Variants in CPA6 observed in about 807,000 individuals in gnomAD.
The protein encoded by CPA6 is carboxypeptidase A6.
CPA6 carries 58 observed loss-of-function variants against 63.3 expected under a neutral mutation model. That is an observed-to-expected ratio of 0.92 (90% CI 0.74 to 1.14). The LOEUF (loss-of-function observed/expected upper bound fraction) is 1.14, where lower values mean the gene tolerates loss of function less well. Ranked by LOEUF, CPA6 falls within the 50% of genes most tolerant of loss-of-function variation. CPA6 has a pLI of 0.00. For missense variants in CPA6, 565 were observed against 526.6 expected, an observed-to-expected ratio of 1.07 and a Z score of -0.71; for synonymous variants, 185 against 179.0, an observed-to-expected ratio of 1.03 and a Z score of -0.27.
chr8:67,648,156 A>G (rs1815753886), intron 1 of CPA6, among the ~76,000 whole-genome samples: 2 of 152,192 alleles, frequency 1.3e-5, no homozygotes, highest in South Asian at 4.1e-4. Context: ...AGTCATCAAC[A>G]TATAATTCAT....
At chr8:67,493,158 G>A (rs185284004) in intron 6 of CPA6, among the ~76,000 whole-genome samples, 61 of 152,232 alleles carry the variant, frequency 4.0e-4, no homozygotes, top group African/African-American at 1.3e-3. Flanking sequence ...CTTAGTAGCT[G>A]TCTCAATTAT....
intron 8 of CPA6, among the ~76,000 whole-genome samples, chr8:67,468,791 G>A (rs888982569): frequency 3.3e-5 from 5 of 152,048 alleles, no homozygotes; most frequent in Non-Finnish European, 5.9e-5. Flanking sequence ...AGCATGTACT[G>A]TATCTCTGGG....
intron 1 of CPA6, among the ~76,000 whole-genome samples, chr8:67,660,890 C>T (rs1816093644): frequency 6.6e-6 from 1 of 152,082 alleles, no homozygotes; most frequent in Non-Finnish European, 1.5e-5. Flanking sequence ...GATTAACATC[C>T]CTTGGTTGTC....
intron 8 of CPA6, among the ~76,000 whole-genome samples, chr8:67,466,835 T>C (rs944536139): frequency 1.4e-4 from 22 of 152,208 alleles, no homozygotes; most frequent in African/African-American, 5.3e-4. Context: ...ATATGTTTCC[T>C]CAGTCTTTTC....
At position 67,618,933 on chromosome 8, in the gene CPA6, T is replaced by C. The variant is rs75405208; in HGVS notation, c.192+5243A>G. Among the ~76,000 whole-genome samples the C allele has an allele frequency of 8.5e-3, 1,295 of 152,326 alleles. 26 individuals are homozygous for C. Among genetic ancestry groups the C allele is most frequent in the African/African-American group, 0.028 (1,145 of 41,574 alleles). ...AATTAACAATTTAATTGGTTGGTGCTTTCTCAATCCAGTTCTCTAGGGGCA... is the reference window on the plus strand; with the variant it reads ...AATTAACAATTTAATTGGTTGGTGCCTTCTCAATCCAGTTCTCTAGGGGCA... On this transcript the variant is annotated intron_variant, in intron 2 of 10. Coordinates refer to ENST00000297770, the MANE Select transcript of CPA6 (RefSeq NM_020361.5).
intron 1 of CPA6, among the ~76,000 whole-genome samples, chr8:67,652,481 C>G (rs1300210878): frequency 6.6e-6 from 1 of 151,918 alleles, no homozygotes; most frequent in East Asian, 1.9e-4. Context: ...ATTTGCATTT[C>G]TCTGATGGCC....
chr8:67,594,118 G>T (rs1279515668), intron 2 of CPA6, among the ~76,000 whole-genome samples: 4 of 152,114 alleles, frequency 2.6e-5, no homozygotes, highest in Admixed American at 6.6e-5. Context: ...GTCTGTAAAG[G>T]ATTTCATTTC....
intron 2 of CPA6, among the ~76,000 whole-genome samples, chr8:67,616,850 C>T (rs1430232482): frequency 6.6e-6 from 1 of 152,090 alleles, no homozygotes; most frequent in East Asian, 1.9e-4. Context: ...TGTCTGTCAT[C>T]CCAGCCTAGA....
At chr8:67,550,226 C>A (rs1357132748) in intron 2 of CPA6, among the ~76,000 whole-genome samples, 1 of 152,048 alleles carries the variant, frequency 6.6e-6, no homozygotes, top group Non-Finnish European at 1.5e-5. Context: ...CCCCAGTGTC[C>A]ATTGTTGTCA....
At chr8:67,741,672 T>G (rs1817915893) in intron 1 of CPA6, among the ~76,000 whole-genome samples, 1 of 152,170 alleles carries the variant, frequency 6.6e-6, no homozygotes, top group Non-Finnish European at 1.5e-5. Context: ...GGTTGCATGT[T>G]CCTTATAAAA....
intron 8 of CPA6, among the ~76,000 whole-genome samples, chr8:67,456,347 T>C (rs1810676999): frequency 6.6e-6 from 1 of 152,236 alleles, no homozygotes; most frequent in Non-Finnish European, 1.5e-5. Flanking sequence ...AATTGTCGTG[T>C]ATGGCACCTG....
At chr8:67,634,302 C>T (rs1410143849) in intron 1 of CPA6, among the ~76,000 whole-genome samples, 1 of 150,060 alleles carries the variant, frequency 6.7e-6, no homozygotes, top group Non-Finnish European at 1.5e-5. Flanking sequence ...TCACTACAAG[C>T]TCCGCCTCCC....
intron 1 of CPA6, among the ~76,000 whole-genome samples, chr8:67,645,073 T>C (rs1815686232): frequency 6.6e-6 from 1 of 152,164 alleles, no homozygotes; most frequent in African/African-American, 2.4e-5. Context: ...AGTGCCTTGC[T>C]CTGAGGGTGA....
chr8:67,632,081 A>T (rs1300060968), intron 1 of CPA6, among the ~76,000 whole-genome samples: 4 of 152,098 alleles, frequency 2.6e-5, no homozygotes, highest in African/African-American at 9.7e-5. Flanking sequence ...TTTATTTCAG[A>T]GTTTTATAAC....
At chr8:67,484,248 A>T (rs1811425503) in intron 7 of CPA6, among the ~76,000 whole-genome samples, 1 of 148,590 alleles carries the variant, frequency 6.7e-6, no homozygotes, top group Admixed American at 6.7e-5. Flanking sequence ...TTTTTTTTGT[A>T]TTTTTAGTAG....
chr8:67,607,234 CTTCTTCTTCTTCTT>C (rs1564021438), intron 2 of CPA6, among the ~76,000 whole-genome samples: 5 of 117,660 alleles, frequency 4.2e-5, no homozygotes, highest in East Asian at 5.0e-4. Flanking sequence ...TCTTCTTCTT[CTTCTTCTTCTTCTT>C]CTTCTCCTCC....
intron 8 of CPA6, among the ~76,000 whole-genome samples, chr8:67,450,641 G>A (rs1810536441): frequency 6.6e-6 from 1 of 152,224 alleles, no homozygotes; most frequent in Non-Finnish European, 1.5e-5. Context: ...TTTCTGGAGT[G>A]GAAGGCAATC....
chr8:67,441,288 T>C (rs1810289831), intron 8 of CPA6, among the ~76,000 whole-genome samples: 1 of 152,194 alleles, frequency 6.6e-6, no homozygotes, highest in Non-Finnish European at 1.5e-5. Flanking sequence ...TATTAAAGAA[T>C]GCCTGACTAT....
chr8:67,644,181 C>G (rs894022491), intron 1 of CPA6, among the ~76,000 whole-genome samples: 2 of 151,590 alleles, frequency 1.3e-5, no homozygotes, highest in Non-Finnish European at 2.9e-5. Context: ...TGCAGTGGCG[C>G]CATTTCGGCT....
Sources: allele counts gnomAD v4.1 joint callset (sites outside exome capture counted in the v4.1 genomes callset), GRCh38; gene constraint gnomAD v4.1.1; transcripts MANE v1.5; gene names NCBI Gene and HGNC (gene_info 2026-07-23, HGNC 2026-07-21).